KIAA2012: variants seen among roughly 807,000 people sequenced by gnomAD.
The protein encoded by KIAA2012 is uncharacterized protein KIAA2012.
A neutral mutation model predicts 150.6 loss-of-function variants in KIAA2012; 125 were observed. The ratio of observed to expected loss-of-function variants is 0.83; its 90% CI spans 0.72 to 0.96. The LOEUF (loss-of-function observed/expected upper bound fraction) is 0.96. KIAA2012 is among the 40% of genes least tolerant of loss of function. KIAA2012 has a pLI of 0.00. For missense variants in KIAA2012, 1,219 were observed against 1,354.9 expected, an observed-to-expected ratio of 0.90 and a Z score of 1.57; for synonymous variants, 462 against 504.7, an observed-to-expected ratio of 0.92 and a Z score of 1.13.
At chr2:202,189,257 C>T (rs1234565290) in intron 18 of KIAA2012, among the ~76,000 whole-genome samples, 2 of 151,428 alleles carry the variant, frequency 1.3e-5, no homozygotes, top group Admixed American at 6.6e-5. Flanking sequence ...ACCCTCCGGA[C>T]GGTCCTGCCC....
rs1471356210 is a variant in KIAA2012, at chr2:202,205,187, A to C, written c.*210A>C. On this transcript the variant is annotated 3_prime_UTR_variant, in exon 24 of 24. Transcript: ENST00000498697. Reference sequence around the variant, plus strand: ...GCAATGCATTTCGAAAAATCCAAAAAACTAAAAACAAGAAAATTACTTCCC... The same window carrying C: ...GCAATGCATTTCGAAAAATCCAAAACACTAAAAACAAGAAAATTACTTCCC... 6.6e-6 allele frequency: 1 copy of C among 152,242 alleles called. No individual in the cohort carries two copies. Among genetic ancestry groups the C allele is most frequent in the Non-Finnish European group, 1.5e-5 (1 of 68,046 alleles). 9.4% of individuals were successfully genotyped at this position (152,242 alleles called of 1,614,324 possible).
At chr2:202,079,640 A>C (rs1185039745) in intron 2 of KIAA2012, among the ~76,000 whole-genome samples, 1 of 152,204 alleles carries the variant, frequency 6.6e-6, no homozygotes, top group East Asian at 1.9e-4. Flanking sequence ...GTAAAGATAA[A>C]TGTTAAGTCA....
intron 3 of KIAA2012, 117 bp downstream of exon 3, chr2:202,091,046 TA>T: frequency 9.1e-6 from 12 of 1,319,856 alleles, no homozygotes; most frequent in Non-Finnish European, 1.2e-5. Flanking sequence ...AATTCTGTGT[TA>T]AAGCAAAGTC....
chr2:202,098,436 A>G (rs1402532734), intron 5 of KIAA2012, among the ~76,000 whole-genome samples: 1 of 152,232 alleles, frequency 6.6e-6, no homozygotes, highest in African/African-American at 2.4e-5. Context: ...CTGGAAAGTC[A>G]CATGTGTAGT....
chr2:202,095,553 A>G (rs114634029), intron 4 of KIAA2012, among the ~76,000 whole-genome samples: 2,382 of 152,326 alleles, frequency 0.016, 34 homozygotes, highest in South Asian at 0.041. Flanking sequence ...TAGAGAGACT[A>G]AGTTTTGTGG....
intron 15 of KIAA2012, among the ~76,000 whole-genome samples, chr2:202,184,086 A>G (rs1329984535): frequency 1.3e-5 from 2 of 152,102 alleles, no homozygotes; most frequent in South Asian, 2.1e-4. Flanking sequence ...CTAATTTTTC[A>G]TGATTAATAG....
chr2:202,133,109 A>AAAAAAAAT (rs766606713), intron 12 of KIAA2012, among the ~76,000 whole-genome samples: 2 of 87,884 alleles, frequency 2.3e-5, no homozygotes, highest in African/African-American at 9.3e-5. Flanking sequence ...TCTAAAAAAA[A>AAAAAAAAT]ATATATATAT....
intron 16 of KIAA2012, among the ~76,000 whole-genome samples, chr2:202,185,738 A>G (rs1042206111): frequency 3.4e-5 from 5 of 147,334 alleles, no homozygotes; most frequent in Non-Finnish European, 7.5e-5. Context: ...CAGATTTCTG[A>G]AAAAAAAAAA....
At chr2:202,106,817 T>C (rs1182750534) in intron 9 of KIAA2012, among the ~76,000 whole-genome samples, 1 of 152,136 alleles carries the variant, frequency 6.6e-6, no homozygotes, top group Non-Finnish European at 1.5e-5. Context: ...ATGTGTTGGA[T>C]AGGTTGGAAG....
At chr2:202,079,575 T>TA (rs1244014801) in intron 2 of KIAA2012, among the ~76,000 whole-genome samples, 1 of 152,202 alleles carries the variant, frequency 6.6e-6, no homozygotes, top group African/African-American at 2.4e-5. Context: ...GTCTGGAGTT[T>TA]ATAGCTCAGC....
intron 12 of KIAA2012, among the ~76,000 whole-genome samples, chr2:202,133,109 A>AAAAAAAAAATATATATATAT (rs766606713): frequency 2.3e-5 from 2 of 87,882 alleles, no homozygotes; most frequent in South Asian, 4.1e-4. Context: ...TCTAAAAAAA[A>AAAAAAAAAATATATATATAT]ATATATATAT....
chr2:202,190,250 A>C lies in KIAA2012; in HGVS notation c.2568A>C (p.Glu856Asp). ...CCCAAAGGAAAAGGACACAGAAGGA[A>C]AGAAATCTGGAGATAGCGGCAGAGC... The part of the protein sequence containing the change: ...TRPQRKRTQK[E>D]RNLEIAAELS... The change falls in exon 19 of 24, where the codon GAA (glutamate) becomes GAC (aspartate). Residue 856 changes from glutamate to aspartate, a missense_variant. Transcript: ENST00000498697. 1.9e-6 allele frequency: 3 copies of C among 1,549,020 alleles called. No individual in the cohort carries two copies. The highest frequency in any genetic ancestry group is 2.6e-6 in the Non-Finnish European group (3 of 1,146,662).
intron 15 of KIAA2012, among the ~76,000 whole-genome samples, chr2:202,184,504 A>G (rs866027319): frequency 6.6e-6 from 1 of 152,084 alleles, no homozygotes; most frequent in Admixed American, 6.5e-5. Context: ...AGGCTAGAAC[A>G]TTTTTCTGAT....
chr2:202,185,249 T>C (rs183970473), intron 16 of KIAA2012, among the ~76,000 whole-genome samples: 1 of 152,280 alleles, frequency 6.6e-6, no homozygotes, highest in Admixed American at 6.5e-5. Context: ...TTAATAATAA[T>C]TGCTAGCCCG....
At chr2:202,187,829 A>G (rs923744119) in intron 17 of KIAA2012, among the ~76,000 whole-genome samples, 3 of 152,178 alleles carry the variant, frequency 2.0e-5, no homozygotes, top group East Asian at 1.9e-4. Flanking sequence ...GGCAACACCA[A>G]TCTATCAAAG....
chr2:202,151,844 C>T (rs1305362085), intron 13 of KIAA2012, among the ~76,000 whole-genome samples: 1 of 152,184 alleles, frequency 6.6e-6, no homozygotes, highest in East Asian at 1.9e-4. Flanking sequence ...TCACTGCAGC[C>T]TCAAACTCTT....
intron 15 of KIAA2012, among the ~76,000 whole-genome samples, chr2:202,181,253 A>G (rs1415447221): frequency 1.3e-5 from 2 of 152,304 alleles, no homozygotes; most frequent in Non-Finnish European, 2.9e-5. Flanking sequence ...TATACACATA[A>G]GCTACCACAT....
At chr2:202,098,358 T>C (rs551278145) in intron 5 of KIAA2012, among the ~76,000 whole-genome samples, 2 of 152,240 alleles carry the variant, frequency 1.3e-5, no homozygotes, top group South Asian at 4.1e-4. Context: ...AAACCCTGCC[T>C]CTAAAAAATA....
At chr2:202,153,226 C>T (rs990294272) in intron 13 of KIAA2012, among the ~76,000 whole-genome samples, 1 of 152,130 alleles carries the variant, frequency 6.6e-6, no homozygotes, top group African/African-American at 2.4e-5. Flanking sequence ...ACGGAACAGC[C>T]ATGGTTCCTG....
Sources: gnomAD v4.1 joint callset for allele counts (sites outside exome capture counted in the v4.1 genomes callset) on GRCh38, gnomAD v4.1.1 for gene constraint, MANE v1.5 for transcripts, NCBI Gene and HGNC (gene_info 2026-07-23, HGNC 2026-07-21) for gene names.